The following SLX9 variants were observed in gnomAD, a reference collection of about 807,000 sequenced individuals.
SLX9 encodes SLX9 ribosome biogenesis factor.
In SLX9, 19 loss-of-function variants were observed where a neutral mutation model predicts 20.8. That is an observed-to-expected ratio of 0.91 (90% CI 0.64 to 1.34). SLX9 has a LOEUF of 1.34. Ranked by LOEUF, SLX9 falls within the 40% of genes most tolerant of loss-of-function variation. The probability of loss-of-function intolerance (pLI) is 0.00; values close to 1 mark genes in which losing one functional copy is unlikely to be tolerated. For missense variants in SLX9, 299 were observed against 322.2 expected, an observed-to-expected ratio of 0.93 and a Z score of 0.55; for synonymous variants, 113 against 137.1, an observed-to-expected ratio of 0.82 and a Z score of 1.23.
intron 2 of SLX9, among the ~76,000 whole-genome samples, chr21:44,957,838 T>C (rs531056101): frequency 6.6e-6 from 1 of 152,310 alleles, no homozygotes; most frequent in East Asian, 1.9e-4. Context: ...GACTTGCCCG[T>C]CTCCTGACAC....
intron 4 of SLX9, among the ~76,000 whole-genome samples, chr21:44,972,708 TG>T (rs2085174580): frequency 6.6e-6 from 1 of 152,088 alleles, no homozygotes; most frequent in Non-Finnish European, 1.5e-5. Context: ...TAGGCTTGGG[TG>T]GGTGACTCAG....
At chr21:44,975,520 G>A (rs947202051) in intron 5 of SLX9, among the ~76,000 whole-genome samples, 5 of 152,250 alleles carry the variant, frequency 3.3e-5, no homozygotes, top group African/African-American at 7.2e-5. Context: ...GCTTCCAAGC[G>A]TCACTGTCAC....
chr21:44,946,748 C>G (rs1203180635), intron 2 of SLX9, among the ~76,000 whole-genome samples: 1 of 152,238 alleles, frequency 6.6e-6, no homozygotes, highest in Admixed American at 6.5e-5. Flanking sequence ...GCTCTCAGCC[C>G]AGGGTTCTGG....
intron 2 of SLX9, among the ~76,000 whole-genome samples, chr21:44,954,276 C>T (rs182019750): frequency 7.9e-5 from 12 of 152,252 alleles, no homozygotes; most frequent in African/African-American, 2.2e-4. Flanking sequence ...GTCTTCTGGC[C>T]GGTGGGTTGC....
At chr21:44,942,473 C>T (rs2084567208) in intron 1 of SLX9, among the ~76,000 whole-genome samples, 1 of 152,194 alleles carries the variant, frequency 6.6e-6, no homozygotes, top group African/African-American at 2.4e-5. Flanking sequence ...GTGAGAGCAC[C>T]TGGGGAGTTG....
At chr21:44,975,352 G>A (rs1056822317) in intron 5 of SLX9, among the ~76,000 whole-genome samples, 2 of 152,216 alleles carry the variant, frequency 1.3e-5, no homozygotes, top group African/African-American at 2.4e-5. Flanking sequence ...GGGAGGCCCC[G>A]TCTATGGGTC....
At chr21:44,945,692 GTTTTTGTTTGTTTGT>G (rs960361197) in intron 2 of SLX9, among the ~76,000 whole-genome samples, 8 of 152,044 alleles carry the variant, frequency 5.3e-5, no homozygotes, top group Admixed American at 2.6e-4. Context: ...CTGGATCTTT[GTTTTTGTTTGTTTGT>G]TTTTTGTTTG....
At chr21:44,955,312 T>C (rs1321971134) in intron 2 of SLX9, among the ~76,000 whole-genome samples, 1 of 151,954 alleles carries the variant, frequency 6.6e-6, no homozygotes, top group Non-Finnish European at 1.5e-5. Flanking sequence ...TTCTCCCCGC[T>C]GCCGCGGTGC....
At position 44,943,841 on chromosome 21, in the gene SLX9, A is replaced by AG. The variant is rs1256740722; in HGVS notation, c.283+6dup. 3.1e-6 allele frequency: 5 copies of AG among 1,613,914 alleles called. No individual in the cohort carries two copies. The highest frequency in any genetic ancestry group is 4.2e-6 in the Non-Finnish European group (5 of 1,180,014). On this transcript the variant is annotated splice_donor_region_variant and intron_variant, in intron 2 of 5. Transcript: ENST00000291634. ...AGCGTCCCTTCCATCAGGAGAGGTG[A>AG]GGCAGGCTCGACGGGTTACCATGCT...
At chr21:44,963,455 ATG>A (rs1420382197) in intron 3 of SLX9, among the ~76,000 whole-genome samples, 2 of 150,364 alleles carry the variant, frequency 1.3e-5, no homozygotes, top group South Asian at 4.2e-4. Context: ...GTGTATATGT[ATG>A]TGTGTGTGTC....
chr21:44,953,557 G>A (rs2084800112), intron 2 of SLX9, among the ~76,000 whole-genome samples: 2 of 151,524 alleles, frequency 1.3e-5, no homozygotes, highest in South Asian at 2.1e-4. Context: ...CCGGCGGTGG[G>A]GCCCTGCATC....
At chr21:44,972,438 C>G (rs1214516279) in intron 4 of SLX9, among the ~76,000 whole-genome samples, 1 of 152,170 alleles carries the variant, frequency 6.6e-6, no homozygotes, top group African/African-American at 2.4e-5. Flanking sequence ...CGCCCGTGCC[C>G]TTAGTCAAGG....
Position 44,959,175 on chromosome 21 carries a change from G to A in SLX9, c.284-925G>A. 1.1e-5 allele frequency: 11 copies of A among 981,438 alleles called. 1 individual carries two copies. Among genetic ancestry groups the A allele is most frequent in the Middle Eastern group, 1.0e-3 (2 of 1,906 alleles). 60.8% of individuals were successfully genotyped at this position (981,438 alleles called of 1,614,324 possible). On this transcript the variant is annotated intron_variant, in intron 2 of 5. Transcript: ENST00000291634. ...TGAAGTCTGAAATGCAGAGCGCAGCGACTGCCTTTCTCCAGGCAGGGCTTG... is the reference window on the plus strand; with the variant it reads ...TGAAGTCTGAAATGCAGAGCGCAGCAACTGCCTTTCTCCAGGCAGGGCTTG...
chr21:44,945,864 T>TGCCACCACGCCCAGCTAAC (rs937137863), intron 2 of SLX9, among the ~76,000 whole-genome samples: 1 of 152,228 alleles, frequency 6.6e-6, no homozygotes, highest in South Asian at 2.1e-4. Context: ...AACAGGCACA[T>TGCCACCACGCCCAGCTAAC]GCCACCACGC....
chr21:44,953,813 C>T (rs748696595), intron 2 of SLX9, among the ~76,000 whole-genome samples: 22 of 152,230 alleles, frequency 1.4e-4, no homozygotes, highest in Non-Finnish European at 2.8e-4. Context: ...GCCATGACTG[C>T]TCTTCCCTGC....
intron 5 of SLX9, 137 bp downstream of exon 5, chr21:44,973,402 C>A (rs1190051009): frequency 6.5e-6 from 4 of 611,390 alleles, no homozygotes; most frequent in African/African-American, 2.1e-5. Flanking sequence ...AGTGCCCTCA[C>A]CCCGCCCACC....
chr21:44,951,301 G>A (rs1223122482), intron 2 of SLX9, among the ~76,000 whole-genome samples: 3 of 152,110 alleles, frequency 2.0e-5, no homozygotes, highest in Non-Finnish European at 4.4e-5. Context: ...TTGCAGCATC[G>A]CGCAGGGAGG....
chr21:44,940,324 A>T (rs987010262), intron 1 of SLX9, 138 bp downstream of exon 1: 6 of 1,152,064 alleles, frequency 5.2e-6, no homozygotes, highest in Non-Finnish European at 6.5e-6. Context: ...TACAGACGCG[A>T]CCTTCTTGCT....
intron 2 of SLX9, among the ~76,000 whole-genome samples, chr21:44,957,525 A>G (rs2084880416): frequency 1.3e-5 from 2 of 152,346 alleles, no homozygotes; most frequent in South Asian, 4.1e-4. Context: ...GCGCTGTGGC[A>G]GCCAGGAGCA....
Sources: allele counts gnomAD v4.1 joint callset (sites outside exome capture counted in the v4.1 genomes callset), GRCh38; gene constraint gnomAD v4.1.1; transcripts MANE v1.5; gene names NCBI Gene and HGNC (gene_info 2026-07-23, HGNC 2026-07-21).